Variants in DSCAM observed in about 807,000 individuals in gnomAD.
DSCAM encodes the protein cell adhesion molecule DSCAM.
DSCAM carries 47 observed loss-of-function variants against 217.7 expected under a neutral mutation model. The ratio of observed to expected loss-of-function variants is 0.22; its 90% CI spans 0.17 to 0.28. The LOEUF is 0.28. Among genes scored for constraint, DSCAM ranks in the 10% least tolerant of loss-of-function variants. The pLI, the probability that DSCAM is intolerant of heterozygous loss-of-function variation, is 1.00. For synonymous variants in DSCAM, 1,056 were observed against 1,015.3 expected (o/e 1.04, Z -0.76); for missense variants, 2,080 against 2,618.3 (o/e 0.79, Z 4.49).
At chr21:40,565,773 G>A (rs908425569) in intron 3 of DSCAM, among the ~76,000 whole-genome samples, 9 of 152,214 alleles carry the variant, frequency 5.9e-5, no homozygotes, top group South Asian at 2.1e-4. Context: ...GGAAAATACC[G>A]CCAGGTGAAT....
intron 1 of DSCAM, among the ~76,000 whole-genome samples, chr21:40,721,576 G>A (rs2090901450): frequency 1.3e-5 from 2 of 152,186 alleles, no homozygotes; most frequent in South Asian, 4.1e-4. Context: ...ACACCCTTCA[G>A]AAGAAACTGT....
At chr21:40,516,335 G>C (rs950098776) in intron 3 of DSCAM, among the ~76,000 whole-genome samples, 3 of 152,128 alleles carry the variant, frequency 2.0e-5, no homozygotes, top group Non-Finnish European at 4.4e-5. Flanking sequence ...TGTATTTCAT[G>C]TTCCATTCAA....
intron 1 of DSCAM, among the ~76,000 whole-genome samples, chr21:40,731,779 A>G (rs996009856): frequency 5.8e-5 from 7 of 120,572 alleles, no homozygotes; most frequent in Non-Finnish European, 1.1e-4. Context: ...CCCAGGCTGG[A>G]GTGCAATGGT....
intron 11 of DSCAM, among the ~76,000 whole-genome samples, chr21:40,260,371 TCTGCCTTC>T (rs146167963): frequency 1.6e-4 from 24 of 152,320 alleles, no homozygotes; most frequent in African/African-American, 5.1e-4. Flanking sequence ...CAGCCCTGTC[TCTGCCTTC>T]CTGCCTCAGC....
At chr21:40,782,903 G>C (rs1163570447) in intron 1 of DSCAM, among the ~76,000 whole-genome samples, 1 of 152,150 alleles carries the variant, frequency 6.6e-6, no homozygotes, top group African/African-American at 2.4e-5. Flanking sequence ...GAATTCAGGT[G>C]GGTCACACTT....
intron 11 of DSCAM, among the ~76,000 whole-genome samples, chr21:40,223,881 C>A (rs1250849584): frequency 6.6e-6 from 1 of 152,096 alleles, no homozygotes; most frequent in African/African-American, 2.4e-5. Flanking sequence ...CCAGATAGGC[C>A]CATGTGATGG....
At chr21:40,020,272 A>T (rs1770353263) in intron 32 of DSCAM, among the ~76,000 whole-genome samples, 1 of 152,224 alleles carries the variant, frequency 6.6e-6, no homozygotes, top group Non-Finnish European at 1.5e-5. Flanking sequence ...AGGCTTCCCC[A>T]GCCACATGGA....
intron 3 of DSCAM, among the ~76,000 whole-genome samples, chr21:40,544,023 C>T (rs956040579): frequency 6.6e-6 from 1 of 152,070 alleles, no homozygotes; most frequent in Non-Finnish European, 1.5e-5. Context: ...CCAAGTTGAA[C>T]TCTTAGTCAG....
intron 9 of DSCAM, among the ~76,000 whole-genome samples, chr21:40,309,513 C>G (rs545578497): frequency 6.6e-6 from 1 of 152,206 alleles, no homozygotes; most frequent in East Asian, 1.9e-4. Context: ...TTCTCTTATT[C>G]TGGGGCCTTA....
Position 40,330,584 on chromosome 21 carries a change from C to T in DSCAM, c.1783+7517G>A, listed in dbSNP as rs534046967. ...AATAGAGGAATTTTAAGTCATTCCA[C>T]CTCCAGGACAAACCTGTCTGAAGGA... is the stretch of plus-strand genomic sequence containing the variant. On this transcript the variant is annotated intron_variant, in intron 8 of 32. Transcript: ENST00000400454. Among the ~76,000 whole-genome samples the T allele has an allele frequency of 1.5e-3, 226 of 152,018 alleles. 1 individual carries two copies. Among genetic ancestry groups the T allele is most frequent in the African/African-American group, 5.2e-3 (216 of 41,470 alleles).
intron 1 of DSCAM, among the ~76,000 whole-genome samples, chr21:40,811,357 A>C (rs2091836992): frequency 6.6e-6 from 1 of 152,228 alleles, no homozygotes; most frequent in Non-Finnish European, 1.5e-5. Context: ...TTAAGCTTTT[A>C]CCTGTTGAGA....
intron 32 of DSCAM, among the ~76,000 whole-genome samples, chr21:40,020,094 G>C (rs2088235216): frequency 6.6e-6 from 1 of 152,172 alleles, no homozygotes. Context: ...GACCCAGTGG[G>C]AAGTAATTGA....
chr21:40,053,405 C>T (rs986371245), intron 29 of DSCAM, among the ~76,000 whole-genome samples: 8 of 152,268 alleles, frequency 5.3e-5, no homozygotes, highest in East Asian at 3.9e-4. Context: ...GGACCCAGCA[C>T]GAGAGGCTCC....
chr21:40,292,072 T>C (rs1407456986), intron 10 of DSCAM, among the ~76,000 whole-genome samples: 1 of 147,102 alleles, frequency 6.8e-6, no homozygotes, highest in Non-Finnish European at 1.5e-5. Context: ...TTTTTTTTTT[T>C]AAATCTCTTT....
chr21:40,233,359 G>A (rs920798960), intron 11 of DSCAM, among the ~76,000 whole-genome samples: 2 of 152,016 alleles, frequency 1.3e-5, no homozygotes, highest in African/African-American at 2.4e-5. Flanking sequence ...AGCATCTGCA[G>A]GCTCCAAAAA....
chr21:40,774,565 C>T (rs974409622), intron 1 of DSCAM, among the ~76,000 whole-genome samples: 1 of 152,166 alleles, frequency 6.6e-6, no homozygotes, highest in Non-Finnish European at 1.5e-5. Context: ...CAGTCTTATT[C>T]CAGTTCATCT....
intron 15 of DSCAM, 99 bp from the exon 16 acceptor site, chr21:40,167,387 A>G (rs2090609013): frequency 9.8e-7 from 1 of 1,022,590 alleles, no homozygotes; most frequent in Admixed American, 2.0e-5. Context: ...ACCCATCCCT[A>G]TGTTTGGCAC....
chr21:40,385,583 A>T (rs2837600), intron 3 of DSCAM, among the ~76,000 whole-genome samples: 103,480 of 151,972 alleles, frequency 0.68, 35,944 homozygotes, highest in African/African-American at 0.81. Flanking sequence ...CATTGACAGA[A>T]TTTGTGTTTT....
chr21:40,075,283 G>T, intron 26 of DSCAM, 70 bp from the exon 27 acceptor site: 1 of 1,550,336 alleles, frequency 6.5e-7, no homozygotes, highest in Non-Finnish European at 8.8e-7. Flanking sequence ...AGGGATGACA[G>T]GTTATAAAAA....
Sources: gnomAD v4.1 joint callset for allele counts (sites outside exome capture counted in the v4.1 genomes callset) on GRCh38, gnomAD v4.1.1 for gene constraint, MANE v1.5 for transcripts, NCBI Gene and HGNC (gene_info 2026-07-23, HGNC 2026-07-21) for gene names.